Variants in LIPF observed in about 807,000 individuals in gnomAD.
The protein encoded by LIPF is gastric triacylglycerol lipase.
In LIPF, 25 loss-of-function variants were observed where a neutral mutation model predicts 38.0. The ratio of observed to expected loss-of-function variants is 0.66; its 90% CI spans 0.48 to 0.92. The LOEUF (loss-of-function observed/expected upper bound fraction) is 0.92, where lower values mean the gene tolerates loss of function less well. LIPF is among the 40% of genes least tolerant of loss of function. The pLI, the probability that LIPF is intolerant of heterozygous loss-of-function variation, is 0.00. For missense variants in LIPF, 410 were observed against 469.9 expected, an observed-to-expected ratio of 0.87 and a Z score of 1.18; for synonymous variants, 161 against 156.2, an observed-to-expected ratio of 1.03 and a Z score of -0.23.
intron 5 of LIPF, among the ~76,000 whole-genome samples, chr10:88,670,390 A>G (rs1841576905): frequency 6.6e-6 from 1 of 152,242 alleles, no homozygotes; most frequent in African/African-American, 2.4e-5. Flanking sequence ...AAAATGTAAT[A>G]TATTTTAGAT....
rs1262811077 is a variant in LIPF, at chr10:88,671,863, TAA to T, written c.570_571del (p.Arg191AsnfsTer24). On this transcript the variant is annotated frameshift_variant, in exon 6 of 10. Transcript: ENST00000238983. LOFTEE classifies it high-confidence loss of function. ...CCTTTTCCACCAATCCCAGCCTGGCTAAAAGAATCAAAACCTTCTATGCTCTA... is the reference window on the plus strand; with the variant it reads ...CCTTTTCCACCAATCCCAGCCTGGCTAAGAATCAAAACCTTCTATGCTCTA... The part of the protein sequence containing the change: ...IAFSTNPSLA[K>X]RIKTFYALAP... 6.2e-7 allele frequency: 1 copy of T among 1,613,492 alleles called. No individual in the cohort carries two copies. Among genetic ancestry groups the T allele is most frequent in the East Asian group, 2.2e-5 (1 of 44,866 alleles).
chr10:88,671,733 G>A (rs1486342927), intron 5 of LIPF, 96 bp from the exon 6 acceptor site: 3 of 1,490,366 alleles, frequency 2.0e-6, no homozygotes, highest in African/African-American at 1.4e-5. Context: ...ACCATCCTTA[G>A]TAAGTCCAAA....
At position 88,667,684 on chromosome 10, in the gene LIPF, C is replaced by T. The variant is rs1157469983; in HGVS notation, c.221C>T (p.Thr74Ile). The change falls in exon 3 of 10, where the codon ACA (threonine) becomes ATA (isoleucine). Residue 74 changes from threonine to isoleucine, a missense_variant and splice_region_variant. Coordinates refer to ENST00000238983, the MANE Select transcript of LIPF (RefSeq NM_004190.4). Reference sequence around the variant, plus strand: ...TATGGGAAGAAAAATTCAGGGAATACAGGTATATATAAGCTTCTTTTCTTC... The same window carrying T: ...TATGGGAAGAAAAATTCAGGGAATATAGGTATATATAAGCTTCTTTTCTTC... ...IPYGKKNSGN[T>I]GQRPVVFLQH... The T allele has an allele frequency of 3.9e-6, 5 of 1,269,172 alleles. No individual in the cohort carries two copies. In the Admixed American group the frequency reaches 5.1e-5, roughly 13 times the overall value. The allele number at this position is 1,269,172 out of a possible 1,614,324, so 78.6% of individuals were successfully genotyped here.
rs1185656149 is a variant in LIPF, at chr10:88,667,385, G to A, written c.88G>A (p.Glu30Lys). The A allele has an allele frequency of 6.3e-7, 1 of 1,594,552 alleles. No individual in the cohort carries two copies. Among genetic ancestry groups the A allele is most frequent in the Non-Finnish European group, 8.6e-7 (1 of 1,162,382 alleles). Residue 30 changes from glutamate to lysine, a missense_variant, in exon 2 of 10, where the codon GAA becomes AAA. Physicochemically the swap from Glu to Lys is moderately conservative, Grantham distance 56. Transcript: ENST00000238983. ...LFGKLHPGSPEVTMNISQMIT... is the reference protein window; with the variant it reads ...LFGKLHPGSPKVTMNISQMIT... Reference sequence around the variant, plus strand: ...TGGAAAATTACATCCTGGAAGCCCTGAAGTGACTATGAACATTGTAAGTTA... The same window carrying A: ...TGGAAAATTACATCCTGGAAGCCCTAAAGTGACTATGAACATTGTAAGTTA...
chr10:88,668,939 A>T, intron 4 of LIPF, 183 bp downstream of exon 4: 1 of 580,988 alleles, frequency 1.7e-6, no homozygotes, highest in South Asian at 2.4e-5. Flanking sequence ...TTTCCTTCAA[A>T]CTTTTGTGAT....
chr10:88,672,011 C>T (rs1429248144), intron 6 of LIPF, 46 bp downstream of exon 6: 1 of 1,516,458 alleles, frequency 6.6e-7, no homozygotes. Context: ...CCTTGATTGC[C>T]CATGGATTTT....
chr10:88,666,206 G>A lies in LIPF; in HGVS notation c.-11-1081G>A, dbSNP rs567959050. Among the ~76,000 whole-genome samples, 3 of 152,230 alleles carry A rather than the reference G, an allele frequency of 2.0e-5. No individual in the cohort carries two copies. In the East Asian group the frequency reaches 5.8e-4, roughly 29 times the overall value. ...TGAATTACTATAAACGGGTTTTCTT[G>A]AAATATTATCAGCAACTGGGAAGTC... On this transcript the variant is annotated intron_variant, in intron 1 of 9. Transcript: ENST00000238983.
rs17287219 is a variant in LIPF at position 88,678,357 on chromosome 10, G to A, written c.961-88G>A. 3.0e-3 allele frequency: 2,864 copies of A among 964,406 alleles called. 22 individuals are homozygous for A. Among genetic ancestry groups the A allele is most frequent in the African/African-American group, 0.02 (1,238 of 61,904 alleles). The allele number at this position is 964,406 out of a possible 1,614,324, so 59.7% of individuals were successfully genotyped here. A position where few individuals can be genotyped will look rare whatever the true frequency, so the allele number is the denominator to read the frequency against. On this transcript the variant is annotated intron_variant, in intron 9 of 9. Coordinates refer to ENST00000238983, the MANE Select transcript of LIPF (RefSeq NM_004190.4). Reference sequence around the variant, plus strand: ...CTAGAATTCACTTATAAAACCGCCAGTTAATGTTATACACTCTACTTGAAT... The same window carrying A: ...CTAGAATTCACTTATAAAACCGCCAATTAATGTTATACACTCTACTTGAAT...
chr10:88,670,593 C>A (rs1025495714), intron 5 of LIPF, among the ~76,000 whole-genome samples: 3 of 152,084 alleles, frequency 2.0e-5, no homozygotes, highest in Admixed American at 6.5e-5. Context: ...TGAGAAGAAT[C>A]TGAAGCTGGA....
chr10:88,665,878 A>T (rs1314013476), intron 1 of LIPF, among the ~76,000 whole-genome samples: 1 of 151,718 alleles, frequency 6.6e-6, no homozygotes, highest in Non-Finnish European at 1.5e-5. Context: ...AAGTAGCTGA[A>T]ATTACAGGCG....
chr10:88,670,980 G>A (rs1425916884), intron 5 of LIPF, among the ~76,000 whole-genome samples: 1 of 152,006 alleles, frequency 6.6e-6, no homozygotes, highest in African/African-American at 2.4e-5. Flanking sequence ...TTATATAGTT[G>A]TCTATATCTG....
At chr10:88,673,940 A>C (rs1841644970) in intron 7 of LIPF, among the ~76,000 whole-genome samples, 2 of 152,178 alleles carry the variant, frequency 1.3e-5, no homozygotes, top group Admixed American at 1.3e-4. Flanking sequence ...AAACCAAATA[A>C]ACAACATGAA....
chr10:88,675,725 C>A, intron 8 of LIPF, 68 bp downstream of exon 8: 1 of 1,153,324 alleles, frequency 8.7e-7, no homozygotes, highest in Non-Finnish European at 1.3e-6. Context: ...TACCTAAACA[C>A]ATTCTTAAAA....
chr10:88,669,688 C>A, intron 4 of LIPF, 149 bp from the exon 5 acceptor site: 1 of 528,010 alleles, frequency 1.9e-6, no homozygotes. Context: ...CCCCAAAGGG[C>A]ACCTGACATC....
At position 88,667,315 on chromosome 10, in the gene LIPF, A is replaced by T. The variant is rs554192712; in HGVS notation, c.18A>T (p.Thr6=). Residue 6 remains threonine, a synonymous_variant, in exon 2 of 10, where the codon ACA becomes ACT. Coordinates refer to ENST00000238983, the MANE Select transcript of LIPF (RefSeq NM_004190.4). Reference sequence around the variant, plus strand: ...GGTCCAAAATGTGGCTGCTTTTAACAATGGCAAGTTTGATATCTGTACTGG... The same window carrying T: ...GGTCCAAAATGTGGCTGCTTTTAACTATGGCAAGTTTGATATCTGTACTGG... The part of the protein sequence containing the change: MWLLL[T]MASLISVLGT... The T allele has an allele frequency of 6.2e-7, 1 of 1,612,200 alleles. No individual in the cohort carries two copies. The highest frequency in any genetic ancestry group is 8.5e-7 in the Non-Finnish European group (1 of 1,178,868).
At chr10:88,667,736 T>C in intron 3 of LIPF, 50 bp downstream of exon 3, 1 of 773,018 alleles carries the variant, frequency 1.3e-6, no homozygotes, top group Non-Finnish European at 2.2e-6. Context: ...TTTCCTTTCC[T>C]TCTTTCTTCT....
chr10:88,674,933 T>C (rs1029522878), intron 7 of LIPF, among the ~76,000 whole-genome samples: 7 of 152,144 alleles, frequency 4.6e-5, no homozygotes, highest in African/African-American at 1.7e-4. Flanking sequence ...GCAGAACAAA[T>C]TACTGTATTC....
intron 4 of LIPF, chr10:88,669,118 C>T: frequency 5.3e-6 from 1 of 187,832 alleles, no homozygotes; most frequent in Non-Finnish European, 1.1e-5. Context: ...CAATCTGAAT[C>T]ATCATCAATA....
Position 88,678,435 on chromosome 10 carries a change from T to G in LIPF, c.961-10T>G, listed in dbSNP as rs568983079. 1 of 1,597,340 alleles carries G rather than the reference T, an allele frequency of 6.3e-7. No homozygotes were observed. Among genetic ancestry groups the G allele is most frequent in the East Asian group, 2.2e-5 (1 of 44,804 alleles). On this transcript the variant is annotated splice_polypyrimidine_tract_variant and intron_variant, in intron 9 of 9. Transcript: ENST00000238983. ...ACCTAAACTCTGGTTCTTTCTCTTG[T>G]GTTTTCTAGTCCCAACCTCCCTACT...
Sources: gnomAD v4.1 joint callset for allele counts (sites outside exome capture counted in the v4.1 genomes callset) on GRCh38, gnomAD v4.1.1 for gene constraint, MANE v1.5 for transcripts, NCBI Gene and HGNC (gene_info 2026-07-23, HGNC 2026-07-21) for gene names.